SLCO2B1: variants seen among roughly 807,000 people sequenced by gnomAD.
The protein encoded by SLCO2B1 is solute carrier organic anion transporter family member 2B1, also known as OATP-RP2.
Under a neutral mutation model 67.3 loss-of-function variants are expected in SLCO2B1, and 41 were observed. That is an observed-to-expected ratio of 0.61 (90% CI 0.47 to 0.79). The LOEUF (loss-of-function observed/expected upper bound fraction) is 0.79, where lower values mean the gene tolerates loss of function less well. Among genes scored for constraint, SLCO2B1 ranks in the 30% least tolerant of loss-of-function variants. SLCO2B1 has a pLI of 0.00. For synonymous variants in SLCO2B1, 379 were observed against 381.4 expected, an observed-to-expected ratio of 0.99 and a Z score of 0.07; for missense variants, 837 against 920.1, an observed-to-expected ratio of 0.91 and a Z score of 1.17.
At chr11:75,203,600 C>A in intron 13 of SLCO2B1, 173 bp downstream of exon 13, 1 of 746,240 alleles carries the variant, frequency 1.3e-6, no homozygotes, top group Admixed American at 2.9e-5. Flanking sequence ...CTGCCCCCCT[C>A]CTTTTATAGA....
chr11:75,170,066 C>T (rs1949940549), intron 6 of SLCO2B1: 2 of 332,804 alleles, frequency 6.0e-6, no homozygotes, highest in Non-Finnish European at 5.6e-6. Flanking sequence ...CCATACCCCA[C>T]CTTCAACAGG....
intron 4 of SLCO2B1, among the ~76,000 whole-genome samples, chr11:75,168,061 T>C (rs908743445): frequency 6.6e-6 from 1 of 152,052 alleles, no homozygotes; most frequent in African/African-American, 2.4e-5. Context: ...TCCCGGCTAA[T>C]TTTTGTATTT....
chr11:75,192,970 G>A (rs549292021), intron 8 of SLCO2B1, among the ~76,000 whole-genome samples: 1 of 152,314 alleles, frequency 6.6e-6, no homozygotes, highest in African/African-American at 2.4e-5. Flanking sequence ...TTGAACCCAG[G>A]AGGCAGAGGT....
chr11:75,187,366 G>C (rs1429317371), intron 7 of SLCO2B1, among the ~76,000 whole-genome samples: 1 of 152,188 alleles, frequency 6.6e-6, no homozygotes, highest in African/African-American at 2.4e-5. Context: ...CATACTCCAG[G>C]GTGTCCATGG....
Position 75,193,318 on chromosome 11 carries a change from C to G in SLCO2B1, c.1176C>G (p.Thr392=), listed in dbSNP as rs774479653. 21 of 1,613,994 alleles carry G rather than the reference C, an allele frequency of 1.3e-5. No individual in the cohort carries two copies. The highest frequency in any genetic ancestry group is 1.7e-5 in the Non-Finnish European group (20 of 1,180,038). ...CATCCATGGCTGCGGGCATGGCCAC[C>G]TTCCTGCCCAAGTTCCTGGAGCGCC... ...CLSSMAAGMA[T]FLPKFLERQF... Residue 392 remains threonine, a synonymous_variant, in exon 9 of 14, where the codon ACC becomes ACG. Transcript: ENST00000289575. The surrounding 1 kb of genome is among the most constrained non-coding windows in gnomAD (Gnocchi z 4.2).
At position 75,172,431 on chromosome 11, in the gene SLCO2B1, G is replaced by A. The variant is rs1949972479; in HGVS notation, c.834G>A (p.Leu278=). 2.5e-6 allele frequency: 4 copies of A among 1,614,076 alleles called. No individual in the cohort carries two copies. In the African/African-American group the frequency reaches 4.0e-5, roughly 16 times the overall value. The change falls in exon 7 of 14, where the codon CTG becomes CTA. Residue 278 remains leucine, a synonymous_variant. Transcript: ENST00000289575. Reference sequence around the variant, plus strand: ...CCCGATGGGTGGGTGCCTGGTGGCTGGGTTTCCTCATCGCTGCCGGTGCAG... The same window carrying A: ...CCCGATGGGTGGGTGCCTGGTGGCTAGGTTTCCTCATCGCTGCCGGTGCAG... ...KDPRWVGAWW[L]GFLIAAGAVA...
At position 75,204,460 on chromosome 11, in the gene SLCO2B1, G is replaced by C; in HGVS notation, c.2010G>C (p.Leu670Phe). The C allele has an allele frequency of 6.2e-7, 1 of 1,613,110 alleles. No individual in the cohort carries two copies. The highest frequency in any genetic ancestry group is 8.5e-7 in the Non-Finnish European group (1 of 1,179,478). The change falls in exon 14 of 14, where the codon TTG (leucine) becomes TTC (phenylalanine). Residue 670 changes from leucine (L) to phenylalanine (F), a missense_variant. Coordinates refer to ENST00000289575, the MANE Select transcript of SLCO2B1 (RefSeq NM_007256.5). The stretch of plus-strand genomic sequence containing the variant: ...CTGTGATCTGCTTCGCCTTAGTTTT[G>C]GCTGTCCTGAGGCAGCAGGACAAAG... Reference protein sequence around the residue: ...TGSVICFALVLAVLRQQDKEA... With the variant: ...TGSVICFALVFAVLRQQDKEA...
intron 7 of SLCO2B1, among the ~76,000 whole-genome samples, chr11:75,175,326 G>A (rs1950010586): frequency 6.6e-6 from 1 of 152,110 alleles, no homozygotes; most frequent in South Asian, 2.1e-4. Flanking sequence ...CCAATGAGGA[G>A]TTGAATAAAC....
chr11:75,174,989 A>T (rs920002681), intron 7 of SLCO2B1, among the ~76,000 whole-genome samples: 1 of 152,188 alleles, frequency 6.6e-6, no homozygotes, highest in African/African-American at 2.4e-5. Context: ...CTGAGAATGC[A>T]CGAGTCCTTG....
chr11:75,159,266 G>A (rs919305297), intron 1 of SLCO2B1, among the ~76,000 whole-genome samples: 1 of 152,228 alleles, frequency 6.6e-6, no homozygotes, highest in Non-Finnish European at 1.5e-5. Context: ...GCCAGCTCGG[G>A]CTGTGGGTCC....
intron 6 of SLCO2B1, among the ~76,000 whole-genome samples, chr11:75,170,890 C>T (rs1949950873): frequency 1.3e-5 from 2 of 152,194 alleles, no homozygotes; most frequent in South Asian, 2.1e-4. Flanking sequence ...ATTGTCCAGG[C>T]AGACGGGGTA....
At chr11:75,160,057 G>C (rs568857996) in intron 1 of SLCO2B1, 69 of 159,492 alleles carry the variant, frequency 4.3e-4, no homozygotes, top group African/African-American at 1.1e-3. Context: ...CACATTCTGA[G>C]CTGGCCCACA....
intron 7 of SLCO2B1, among the ~76,000 whole-genome samples, chr11:75,186,127 T>C (rs1364830202): frequency 6.6e-6 from 1 of 151,902 alleles, no homozygotes; most frequent in Admixed American, 6.6e-5. Context: ...TCTGACAAAA[T>C]CTCCATCTCC....
At chr11:75,169,467 A>T (rs575863102) in intron 5 of SLCO2B1, 61 bp downstream of exon 5, 6 of 1,451,924 alleles carry the variant, frequency 4.1e-6, no homozygotes, top group Non-Finnish European at 4.7e-6. Flanking sequence ...TAGGAGGAAG[A>T]GAGACCCAGG....
At chr11:75,187,292 A>G (rs1184964490) in intron 7 of SLCO2B1, among the ~76,000 whole-genome samples, 2 of 152,190 alleles carry the variant, frequency 1.3e-5, no homozygotes, top group Non-Finnish European at 2.9e-5. Flanking sequence ...CTCCACACAC[A>G]TGATATTCTC....
intron 7 of SLCO2B1, among the ~76,000 whole-genome samples, chr11:75,173,007 C>G (rs1949983489): frequency 6.6e-6 from 1 of 152,158 alleles, no homozygotes; most frequent in South Asian, 2.1e-4. Flanking sequence ...TTCTGACAGC[C>G]TTGCACAGTG....
At position 75,155,570 on chromosome 11, in the gene SLCO2B1, A is replaced by G. The variant is rs540976858; in HGVS notation, c.16+4173A>G. 3.9e-5 allele frequency among the ~76,000 whole-genome samples: 6 copies of G among 152,210 alleles called. No individual in the cohort carries two copies. In the South Asian group the frequency reaches 1.2e-3, roughly 32 times the overall value. ...CCTCCCAGATTCCAGCAATTCTCATACCTCAACCTCCCAAGTAGCGGGGAT... is the reference window on the plus strand; with the variant it reads ...CCTCCCAGATTCCAGCAATTCTCATGCCTCAACCTCCCAAGTAGCGGGGAT... On this transcript the variant is annotated intron_variant, in intron 1 of 13. Coordinates refer to ENST00000289575, the MANE Select transcript of SLCO2B1 (RefSeq NM_007256.5).
chr11:75,172,698 G>A, intron 7 of SLCO2B1, 129 bp downstream of exon 7: 1 of 780,792 alleles, frequency 1.3e-6, no homozygotes, highest in Non-Finnish European at 2.0e-6. Flanking sequence ...GGGAGGCCAA[G>A]GCGGTTGGAT....
At chr11:75,160,337 G>A (rs1949803352) in intron 1 of SLCO2B1, among the ~76,000 whole-genome samples, 1 of 152,194 alleles carries the variant, frequency 6.6e-6, no homozygotes, top group Admixed American at 6.5e-5. Context: ...TGAGTCCTGG[G>A]ACCAATGCTA....
Sources: gnomAD v4.1 joint callset for allele counts (sites outside exome capture counted in the v4.1 genomes callset) on GRCh38, gnomAD v4.1.1 for gene constraint, Gnocchi (gnomAD v3.1) non-coding constraint, MANE v1.5 for transcripts, NCBI Gene and HGNC (gene_info 2026-07-23, HGNC 2026-07-21) for gene names.